Variants in NCOA1 observed in about 807,000 individuals in gnomAD.
NCOA1 encodes the protein Hin-2 protein.
Under a neutral mutation model 150.9 loss-of-function variants are expected in NCOA1, and 35 were observed. That is an observed-to-expected ratio of 0.23 (90% CI 0.18 to 0.31). NCOA1 has a LOEUF of 0.31. NCOA1 is among the 10% of genes least tolerant of loss of function. The pLI is 1.00. For missense variants in NCOA1, 1,491 were observed against 1,749.3 expected (o/e 0.85, Z 2.63); for synonymous variants, 590 against 630.0 (o/e 0.94, Z 0.95).
chr2:24,691,361 A>C, intron 8 of NCOA1, 120 bp from the exon 9 acceptor site: 2 of 830,978 alleles, frequency 2.4e-6, no homozygotes, highest in Non-Finnish European at 3.9e-6. Context: ...TGAAGAGGTC[A>C]GTCTGTCTTT....
rs79399130 is a variant in NCOA1, at chr2:24,646,706, CT to C, written c.-18+2598del. Among the ~76,000 whole-genome samples, 743 of 131,960 alleles carry C rather than the reference CT, an allele frequency of 5.6e-3. 2 individuals are homozygous for C. Among genetic ancestry groups the C allele is most frequent in the African/African-American group, 6.1e-3 (220 of 36,046 alleles). The allele number at this position is 131,960 out of a possible 152,430, so 86.6% of individuals were successfully genotyped here. ...CATGGATTTTTCTTTTTTCTTCTTT[CT>C]TTTTTTTTTTTTTAATGAAAAGGTT... On this transcript the variant is annotated intron_variant, in intron 4 of 22. Transcript: ENST00000348332.
chr2:24,681,045 A>T (rs555299652), intron 7 of NCOA1, among the ~76,000 whole-genome samples: 1 of 147,136 alleles, frequency 6.8e-6, no homozygotes, highest in African/African-American at 2.5e-5. Flanking sequence ...AAACATCAGA[A>T]GATGTTGCAT....
At chr2:24,528,585 C>G (rs1558768052) in intron 1 of NCOA1, among the ~76,000 whole-genome samples, 1 of 151,734 alleles carries the variant, frequency 6.6e-6, no homozygotes, top group African/African-American at 2.4e-5. Flanking sequence ...TGAGCTCAAC[C>G]GACCCACCCA....
intron 14 of NCOA1, among the ~76,000 whole-genome samples, chr2:24,719,566 A>G (rs2148621814): frequency 6.6e-6 from 1 of 152,290 alleles, no homozygotes; most frequent in Non-Finnish European, 1.5e-5. Context: ...GATATAAAAG[A>G]CCTCAGATTT....
At chr2:24,496,133 C>G (rs1663202126) in intron 1 of NCOA1, among the ~76,000 whole-genome samples, 1 of 152,114 alleles carries the variant, frequency 6.6e-6, no homozygotes, top group South Asian at 2.1e-4. Flanking sequence ...TTTTAAAATT[C>G]TGTGATTTGT....
intron 3 of NCOA1, among the ~76,000 whole-genome samples, chr2:24,635,603 AAG>A (rs1294847036): frequency 6.6e-6 from 1 of 152,230 alleles, no homozygotes; most frequent in African/African-American, 2.4e-5. Flanking sequence ...GTCAAATAAT[AAG>A]AGAGAACCTA....
chr2:24,765,434 G>A (rs1437165901), intron 22 of NCOA1, among the ~76,000 whole-genome samples: 1 of 151,798 alleles, frequency 6.6e-6, no homozygotes, highest in Non-Finnish European at 1.5e-5. Context: ...GGGAGGCGGA[G>A]CTGGCAGTGA....
intron 3 of NCOA1, among the ~76,000 whole-genome samples, chr2:24,609,192 C>T (rs1668514077): frequency 6.6e-6 from 1 of 152,114 alleles, no homozygotes; most frequent in South Asian, 2.1e-4. Flanking sequence ...ATTTGGAATT[C>T]TTCTGTAAGA....
chr2:24,597,402 A>G (rs140734541), intron 3 of NCOA1, among the ~76,000 whole-genome samples: 1,970 of 152,308 alleles, frequency 0.013, 22 homozygotes, highest in Admixed American at 0.017. Flanking sequence ...TGGATCCTCT[A>G]TAGTCACTAA....
chr2:24,722,321 A>G (rs1467878421), intron 14 of NCOA1, among the ~76,000 whole-genome samples: 1 of 152,174 alleles, frequency 6.6e-6, no homozygotes, highest in East Asian at 1.9e-4. Flanking sequence ...GATAGCTTTT[A>G]TGAGGGTACT....
At chr2:24,570,412 A>G (rs1055175824) in intron 2 of NCOA1, among the ~76,000 whole-genome samples, 11 of 152,230 alleles carry the variant, frequency 7.2e-5, no homozygotes, top group Non-Finnish European at 1.3e-4. Flanking sequence ...TAACTGCAAT[A>G]TAATGAATCA....
intron 1 of NCOA1, among the ~76,000 whole-genome samples, chr2:24,523,787 G>A (rs1572380787): frequency 6.7e-6 from 1 of 149,970 alleles, no homozygotes; most frequent in African/African-American, 2.4e-5. Flanking sequence ...TCAGCTGGGC[G>A]TGGTGGCGCG....
chr2:24,590,300 A>G (rs1020161846), intron 3 of NCOA1, among the ~76,000 whole-genome samples: 1 of 151,950 alleles, frequency 6.6e-6, no homozygotes, highest in African/African-American at 2.4e-5. Flanking sequence ...GAGCATATCT[A>G]CTCTCAGTAC....
intron 2 of NCOA1, among the ~76,000 whole-genome samples, chr2:24,569,882 GAAAA>G (rs904053246): frequency 1.4e-5 from 2 of 144,080 alleles, no homozygotes; most frequent in African/African-American, 2.5e-5. Context: ...AAAAAAAAAA[GAAAA>G]AAAAAGAATT....
chr2:24,572,410 G>C (rs751138425), intron 2 of NCOA1, among the ~76,000 whole-genome samples: 3 of 152,190 alleles, frequency 2.0e-5, no homozygotes, highest in Non-Finnish European at 4.4e-5. Flanking sequence ...AATGTGACCT[G>C]TCCCAACTTC....
chr2:24,707,775 G>C lies in NCOA1; in HGVS notation c.2305G>C (p.Asp769His), dbSNP rs1244739858. 6.2e-7 allele frequency: 1 copy of C among 1,614,156 alleles called. No homozygotes were observed. Among genetic ancestry groups the C allele is most frequent in the South Asian group, 1.1e-5 (1 of 91,078 alleles). ...DLRSTPNLSLDDVKVKVEKKE... is the reference protein window; with the variant it reads ...DLRSTPNLSLHDVKVKVEKKE... ...AAGATCAACTCCAAACCTGAGCCTG[G>C]ATGATGTAAAGGTGAAAGTGGAAAA... Residue 769 changes from aspartate (D) to histidine (H), a missense_variant, in exon 13 of 23, where the codon GAT becomes CAT. By Grantham distance (81) the Asp-to-His change is moderately conservative. Coordinates refer to ENST00000348332, the MANE Select transcript of NCOA1 (RefSeq NM_003743.5).
At chr2:24,657,540 A>G (rs2148489812) in intron 4 of NCOA1, among the ~76,000 whole-genome samples, 1 of 152,338 alleles carries the variant, frequency 6.6e-6, no homozygotes, top group East Asian at 1.9e-4. Context: ...ATGAAATAAT[A>G]AGTTCATGAT....
In NCOA1 at chr2:24,756,686, T is replaced by A. The variant is rs183289742; in HGVS notation, c.3882-1287T>A. 4.1e-3 allele frequency among the ~76,000 whole-genome samples: 623 copies of A among 152,364 alleles called. 3 individuals are homozygous for A. Among genetic ancestry groups the A allele is most frequent in the Middle Eastern group, 0.01 (3 of 294 alleles). ...AATTAATATATAGTCATAAAATATT[T>A]GATGTTTATAGAACTTAGGAAAGAC... is the stretch of plus-strand genomic sequence containing the variant. On this transcript the variant is annotated intron_variant, in intron 20 of 22. Transcript: ENST00000348332.
chr2:24,651,029 T>C lies in NCOA1; in HGVS notation c.-18+6907T>C, dbSNP rs1670688241. ...TTAGATTTGGGATGCTCAACCTGTA[T>C]CAAAAAGACAAAAGATAACAAGTAT... On this transcript the variant is annotated intron_variant, in intron 4 of 22. Transcript: ENST00000348332. 3.3e-5 allele frequency among the ~76,000 whole-genome samples: 5 copies of C among 152,052 alleles called. No homozygotes were observed. In the South Asian group the frequency reaches 1.0e-3, roughly 32 times the overall value.
Sources: gnomAD v4.1 joint callset for allele counts (sites outside exome capture counted in the v4.1 genomes callset) on GRCh38, gnomAD v4.1.1 for gene constraint, MANE v1.5 for transcripts, NCBI Gene and HGNC (gene_info 2026-07-23, HGNC 2026-07-21) for gene names.